Variants in QKI observed in about 807,000 individuals in gnomAD.
The protein encoded by QKI is QKI, KH domain containing RNA binding.
QKI carries 10 observed loss-of-function variants against 39.0 expected under a neutral mutation model. That is an observed-to-expected ratio of 0.26 (90% CI 0.16 to 0.43). The LOEUF (loss-of-function observed/expected upper bound fraction) is 0.43. QKI is among the 20% of genes least tolerant of loss of function. QKI has a pLI of 1.00. For missense variants in QKI, 218 were observed against 428.0 expected (o/e 0.51, Z 4.33); for synonymous variants, 204 against 155.4 (o/e 1.31, Z -2.33).
rs1396914896 is a variant in QKI, at chr6:163,564,671, G to T, written c.934+952G>T. On this transcript the variant is annotated intron_variant, in intron 6 of 7. Transcript: ENST00000361752. ...ACTGATGCCTTTTTTTTATAGAGTG[G>T]ATTGAAATGCCAGTCATGCCTGATA... is the stretch of plus-strand genomic sequence containing the variant. 3 of 1,613,916 alleles carry T rather than the reference G, an allele frequency of 1.9e-6. 1 individual carries two copies. The highest frequency in any genetic ancestry group is 2.5e-6 in the Non-Finnish European group (3 of 1,180,002).
chr6:163,434,247 T>C (rs995019544), intron 1 of QKI, among the ~76,000 whole-genome samples: 1 of 152,102 alleles, frequency 6.6e-6, no homozygotes, highest in African/African-American at 2.4e-5. Flanking sequence ...AGGGGCCACA[T>C]CATTTCCTAG....
rs980551147 is a variant in QKI, at chr6:163,575,340, G to A, written c.*4630G>A. 2 of 152,156 alleles carry A rather than the reference G, an allele frequency of 1.3e-5. No homozygotes were observed. The highest frequency in any genetic ancestry group is 2.9e-5 in the Non-Finnish European group (2 of 68,030). The allele number at this position is 152,156 out of a possible 1,614,324, so 9.4% of individuals were successfully genotyped here. ...TAATTATGTCATTGCTGCCTTTTAT[G>A]TAGGAAATGTAAAAAAGTTTTAAAA... is the stretch of plus-strand genomic sequence containing the variant. On this transcript the variant is annotated 3_prime_UTR_variant, in exon 8 of 8. Transcript: ENST00000361752.
chr6:163,574,056 A>G lies in QKI; in HGVS notation c.*3346A>G, dbSNP rs1356818207. The G allele has an allele frequency of 1.3e-5, 2 of 152,154 alleles. No homozygotes were observed. The highest frequency in any genetic ancestry group is 4.8e-5 in the African/African-American group (2 of 41,428). 9.4% of individuals were successfully genotyped at this position (152,154 alleles called of 1,614,324 possible). The stretch of plus-strand genomic sequence containing the variant: ...GTAGGTGCAGTAGAGATGGGAACAA[A>G]GTAGCCTTTGTTTGAGGCATTCTTC... On this transcript the variant is annotated 3_prime_UTR_variant, in exon 8 of 8. Transcript: ENST00000361752.
chr6:163,465,173 C>T lies in QKI; in HGVS notation c.285+9752C>T, dbSNP rs529466879. 2.4e-4 allele frequency among the ~76,000 whole-genome samples: 36 copies of T among 152,244 alleles called. No individual in the cohort carries two copies. In the East Asian group the frequency reaches 6.4e-3, roughly 27 times the overall value. On this transcript the variant is annotated intron_variant, in intron 2 of 7. Transcript: ENST00000361752. ...AATTCTCAACAAGTAAGGTATAGAA[C>T]AGTATGCCACAACATAATAAAGGCT...
intron 2 of QKI, among the ~76,000 whole-genome samples, chr6:163,474,485 C>A (rs1045842572): frequency 2.0e-5 from 3 of 151,938 alleles, no homozygotes; most frequent in African/African-American, 7.3e-5. Flanking sequence ...TAGAAAAAAA[C>A]CCAATTATAT....
At chr6:163,568,810 A>G (rs561228675) in intron 7 of QKI, 1 of 985,686 alleles carries the variant, frequency 1.0e-6, no homozygotes, top group African/African-American at 1.7e-5. Flanking sequence ...ATATATTTCA[A>G]AACTGAATTT....
At chr6:163,531,146 T>A (rs550545873) in intron 3 of QKI, among the ~76,000 whole-genome samples, 1 of 152,334 alleles carries the variant, frequency 6.6e-6, no homozygotes, top group Admixed American at 6.5e-5. Context: ...GTATTCAAAA[T>A]TTTTAAATAG....
intron 2 of QKI, among the ~76,000 whole-genome samples, chr6:163,463,656 G>A (rs992695682): frequency 6.6e-6 from 1 of 152,108 alleles, no homozygotes; most frequent in South Asian, 2.1e-4. Context: ...ACAAATTCAC[G>A]TGAGGAAGAT....
chr6:163,564,460 C>T (rs1783229639), intron 6 of QKI: 1 of 1,407,910 alleles, frequency 7.1e-7, no homozygotes, highest in South Asian at 1.6e-5. Flanking sequence ...TTTTTCAGTT[C>T]TTGTGTTTTG....
chr6:163,432,478 C>CT (rs985083737), intron 1 of QKI, among the ~76,000 whole-genome samples: 4 of 151,356 alleles, frequency 2.6e-5, no homozygotes, highest in Non-Finnish European at 5.9e-5. Context: ...ACTGCATCCT[C>CT]TAACTCCTGG....
intron 3 of QKI, among the ~76,000 whole-genome samples, chr6:163,493,082 C>T (rs1778164302): frequency 6.6e-6 from 1 of 151,712 alleles, no homozygotes. Context: ...GTATTTGTGA[C>T]CTGATATATT....
At chr6:163,479,301 A>G (rs917750484) in intron 3 of QKI, among the ~76,000 whole-genome samples, 1 of 152,028 alleles carries the variant, frequency 6.6e-6, no homozygotes, top group Non-Finnish European at 1.5e-5. Context: ...AAACAAACCC[A>G]CTATGTTCCA....
intron 3 of QKI, among the ~76,000 whole-genome samples, chr6:163,526,308 A>G (rs575235277): frequency 5.3e-5 from 8 of 152,244 alleles, no homozygotes; most frequent in Non-Finnish European, 1.2e-4. Context: ...CTATCAGTAA[A>G]TATTCAATTG....
chr6:163,518,843 G>A (rs1256715132), intron 3 of QKI, among the ~76,000 whole-genome samples: 1 of 152,122 alleles, frequency 6.6e-6, no homozygotes, highest in Non-Finnish European at 1.5e-5. Context: ...TTTATAGATT[G>A]CCCTTTTCCA....
rs185343403 is a variant in QKI, at chr6:163,558,375, C to T, written c.547-3607C>T. Among the ~76,000 whole-genome samples, 754 of 151,768 alleles carry T rather than the reference C, an allele frequency of 5.0e-3. 5 individuals are homozygous for T. The highest frequency in any genetic ancestry group is 6.4e-3 in the Non-Finnish European group (432 of 67,896). ...ATGTGAAAGTAATTCTATAATTAACCCTGTTGTCTCTTCTTTTTTTTTCTT... is the reference window on the plus strand; with the variant it reads ...ATGTGAAAGTAATTCTATAATTAACTCTGTTGTCTCTTCTTTTTTTTTCTT... On this transcript the variant is annotated intron_variant, in intron 4 of 7. Coordinates refer to ENST00000361752, the MANE Select transcript of QKI (RefSeq NM_006775.3).
Position 163,576,528 on chromosome 6 carries a change from A to G in QKI, c.*5818A>G, listed in dbSNP as rs1487554989. ...ACCAAATATATCTTTTATGGTTTAT[A>G]TTGTAGTGGTATGTATGAAACATTT... On this transcript the variant is annotated 3_prime_UTR_variant, in exon 8 of 8. Coordinates refer to ENST00000361752, the MANE Select transcript of QKI (RefSeq NM_006775.3). 6.6e-6 allele frequency: 1 copy of G among 151,956 alleles called. No homozygotes were observed. Among genetic ancestry groups the G allele is most frequent in the Non-Finnish European group, 1.5e-5 (1 of 68,018 alleles). 9.4% of individuals were successfully genotyped at this position (151,956 alleles called of 1,614,324 possible). A position where few individuals can be genotyped will look rare whatever the true frequency, so the allele number is the denominator to read the frequency against.
intron 4 of QKI, among the ~76,000 whole-genome samples, chr6:163,557,199 G>T (rs935941523): frequency 6.6e-6 from 1 of 152,174 alleles, no homozygotes; most frequent in Non-Finnish European, 1.5e-5. Context: ...CTGAGGGAAA[G>T]AAATTGAACA....
chr6:163,493,402 T>G (rs1336890236), intron 3 of QKI, among the ~76,000 whole-genome samples: 1 of 152,234 alleles, frequency 6.6e-6, no homozygotes, highest in Non-Finnish European at 1.5e-5. Flanking sequence ...GTGCTGGAAT[T>G]ACAGGCATGA....
At chr6:163,443,566 T>TAAC (rs3884381) in intron 1 of QKI, among the ~76,000 whole-genome samples, 11,996 of 152,080 alleles carry the variant, frequency 0.079, 527 homozygotes, top group Middle Eastern at 0.12. Context: ...CTCAAAACAA[T>TAAC]AACAACAACA....
Sources: gnomAD v4.1 joint callset for allele counts (sites outside exome capture counted in the v4.1 genomes callset) on GRCh38, gnomAD v4.1.1 for gene constraint, MANE v1.5 for transcripts, NCBI Gene and HGNC (gene_info 2026-07-23, HGNC 2026-07-21) for gene names.